RAB3D: variants seen among roughly 807,000 people sequenced by gnomAD.
RAB3D encodes the protein ras-related protein Rab-3D.
RAB3D carries 17 observed loss-of-function variants against 19.3 expected under a neutral mutation model. That is an observed-to-expected ratio of 0.88 (90% CI 0.60 to 1.32). RAB3D has a LOEUF of 1.32. Among genes scored for constraint, RAB3D ranks in the 40% most tolerant of loss-of-function variants. The probability of loss-of-function intolerance (pLI) is 0.00; values close to 1 mark genes in which losing one functional copy is unlikely to be tolerated. For synonymous variants in RAB3D, 103 were observed against 119.9 expected, an observed-to-expected ratio of 0.86 and a Z score of 0.92; for missense variants, 223 against 299.1, an observed-to-expected ratio of 0.75 and a Z score of 1.88.
chr19:11,333,172 C>T lies in RAB3D; in HGVS notation c.472+2275G>A, dbSNP rs568901267. Among the ~76,000 whole-genome samples, 14 of 151,750 alleles carry T rather than the reference C, an allele frequency of 9.2e-5. No individual in the cohort carries two copies. In the South Asian group the frequency reaches 1.3e-3, roughly 14 times the overall value. ...TTGGCTCACTGCAAGTTCCGCCTCC[C>T]GGGTTCACACCATTCTCTTGCCTCA... On this transcript the variant is annotated intron_variant, in intron 4 of 4. Coordinates refer to ENST00000222120, the MANE Select transcript of RAB3D (RefSeq NM_004283.4).
Position 11,325,303 on chromosome 19 carries a change from T to C in RAB3D, c.*95A>G, listed in dbSNP as rs2080805159. The C allele has an allele frequency of 3.9e-6, 3 of 766,632 alleles. No homozygotes were observed. Among genetic ancestry groups the C allele is most frequent in the South Asian group, 1.7e-5 (1 of 57,314 alleles). The allele number at this position is 766,632 out of a possible 1,614,324, so 47.5% of individuals were successfully genotyped here. A position where few individuals can be genotyped will look rare whatever the true frequency, so the allele number is the denominator to read the frequency against. On this transcript the variant is annotated 3_prime_UTR_variant, in exon 5 of 5. Coordinates refer to ENST00000222120, the MANE Select transcript of RAB3D (RefSeq NM_004283.4). Reference sequence around the variant, plus strand: ...GGAGCAGTTGACAGGAGGGAAGGGATTGCCCTGAGCTTGGAGATAACCACT... The same window carrying C: ...GGAGCAGTTGACAGGAGGGAAGGGACTGCCCTGAGCTTGGAGATAACCACT...
intron 2 of RAB3D, 83 bp from the exon 3 acceptor site, chr19:11,335,866 C>G: frequency 7.9e-7 from 1 of 1,273,366 alleles, no homozygotes; most frequent in Non-Finnish European, 1.1e-6. Context: ...GCCCTGTACT[C>G]ATAGCCCCAG....
chr19:11,325,632 G>A, intron 4 of RAB3D, 47 bp from the exon 5 acceptor site: 1 of 1,412,428 alleles, frequency 7.1e-7, no homozygotes, highest in Non-Finnish European at 9.8e-7. Context: ...CCTGAGGGCA[G>A]AGTCTCAGCT....
chr19:11,339,430 AC>A (rs953158646), intron 1 of RAB3D, 38 bp downstream of exon 1: 1 of 151,974 alleles, frequency 6.6e-6, no homozygotes, highest in Non-Finnish European at 1.5e-5. Flanking sequence ...TGTTCCCCAG[AC>A]CCCCTACCTT....
At chr19:11,333,913 C>A (rs904992372) in intron 4 of RAB3D, among the ~76,000 whole-genome samples, 2 of 151,260 alleles carry the variant, frequency 1.3e-5, no homozygotes, top group African/African-American at 4.9e-5. Context: ...CCAGGCTGGT[C>A]TAGAACTCCT....
rs2080797121 is a variant in RAB3D at position 11,324,097 on chromosome 19, C to T, written c.*1301G>A. Reference sequence around the variant, plus strand: ...GGTCCTGCCACTCTCAGGCTGTCTACAAAGTACAAGCAGTGACAGCAAGTT... The same window carrying T: ...GGTCCTGCCACTCTCAGGCTGTCTATAAAGTACAAGCAGTGACAGCAAGTT... On this transcript the variant is annotated 3_prime_UTR_variant, in exon 5 of 5. Transcript: ENST00000222120. 6.6e-6 allele frequency: 1 copy of T among 152,162 alleles called. No individual in the cohort carries two copies. 9.4% of individuals were successfully genotyped at this position (152,162 alleles called of 1,614,324 possible).
chr19:11,330,798 C>T (rs886736182), intron 4 of RAB3D, among the ~76,000 whole-genome samples: 2 of 152,030 alleles, frequency 1.3e-5, no homozygotes, highest in Non-Finnish European at 2.9e-5. Flanking sequence ...GATCCACCCG[C>T]CTCGGCCTCC....
chr19:11,333,596 G>T (rs2080842466), intron 4 of RAB3D, among the ~76,000 whole-genome samples: 1 of 152,096 alleles, frequency 6.6e-6, no homozygotes, highest in African/African-American at 2.4e-5. Context: ...GTCTCTTCCT[G>T]TGCCTTCTGA....
intron 2 of RAB3D, 70 bp downstream of exon 2, chr19:11,337,102 A>AG: frequency 1.5e-6 from 2 of 1,374,086 alleles, no homozygotes; most frequent in Non-Finnish European, 2.0e-6. Context: ...TCAAAAAAAA[A>AG]AAAAGAACCC....
At position 11,325,028 on chromosome 19, in the gene RAB3D, AG is replaced by A. The variant is rs2080803320; in HGVS notation, c.*369del. On this transcript the variant is annotated 3_prime_UTR_variant, in exon 5 of 5. Transcript: ENST00000222120. Reference sequence around the variant, plus strand: ...GAATATCAGTCCTGCCCAACCCAGAAGAGACCTGGAAAATGGTTCTAAGCTA... The same window carrying A: ...GAATATCAGTCCTGCCCAACCCAGAAAGACCTGGAAAATGGTTCTAAGCTA... 2 of 188,642 alleles carry A rather than the reference AG, an allele frequency of 1.1e-5. No homozygotes were observed. Among genetic ancestry groups the A allele is most frequent in the South Asian group, 1.9e-4 (2 of 10,368 alleles). The allele number at this position is 188,642 out of a possible 1,614,324, so 11.7% of individuals were successfully genotyped here.
chr19:11,322,549 A>T lies in RAB3D; in HGVS notation c.*2849T>A, dbSNP rs1453083961. On this transcript the variant is annotated 3_prime_UTR_variant, in exon 5 of 5. Coordinates refer to ENST00000222120, the MANE Select transcript of RAB3D (RefSeq NM_004283.4). ...TTTGGTTTAATGTGTCTGTAAACTC[A>T]ACAAACCTCCGTTTCCCTGAGGTAA... 6.6e-6 allele frequency: 1 copy of T among 152,206 alleles called. No homozygotes were observed. Among genetic ancestry groups the T allele is most frequent in the Non-Finnish European group, 1.5e-5 (1 of 68,042 alleles). The allele number at this position is 152,206 out of a possible 1,614,324, so 9.4% of individuals were successfully genotyped here. A position where few individuals can be genotyped will look rare whatever the true frequency, so the allele number is the denominator to read the frequency against.
At chr19:11,336,852 C>A (rs1966899638) in intron 2 of RAB3D, among the ~76,000 whole-genome samples, 1 of 151,762 alleles carries the variant, frequency 6.6e-6, no homozygotes, top group South Asian at 2.1e-4. Flanking sequence ...CACCTGTAAT[C>A]CCAGCTACTC....
At chr19:11,329,706 C>G (rs1599357689) in intron 4 of RAB3D, among the ~76,000 whole-genome samples, 1 of 152,006 alleles carries the variant, frequency 6.6e-6, no homozygotes. Flanking sequence ...GTGTGAGATA[C>G]AGGCTCACTC....
rs1482080376 is a variant in RAB3D, at chr19:11,335,482, G to T, written c.437C>A (p.Pro146His). 8 of 1,614,204 alleles carry T rather than the reference G, an allele frequency of 5.0e-6. No homozygotes were observed. The highest frequency in any genetic ancestry group is 1.6e-4 in the Middle Eastern group (1 of 6,062). ...KCDLEDERVV[P>H]AEDGRRLADD... ...GGCGAGCCTCCGGCCATCCTCAGCA[G>T]GCACAACACGTTCGTCCTCCAGGTC... Residue 146 changes from proline (P) to histidine (H), a missense_variant, in exon 4 of 5, where the codon CCT becomes CAT. Pro to His is a moderately conservative substitution (Grantham distance 77). Coordinates refer to ENST00000222120, the MANE Select transcript of RAB3D (RefSeq NM_004283.4).
rs767048282 is a variant in RAB3D at position 11,323,640 on chromosome 19, C to T, written c.*1758G>A. 1 of 152,160 alleles carries T rather than the reference C, an allele frequency of 6.6e-6. No homozygotes were observed. Among genetic ancestry groups the T allele is most frequent in the Non-Finnish European group, 1.5e-5 (1 of 68,048 alleles). 9.4% of individuals were successfully genotyped at this position (152,160 alleles called of 1,614,324 possible). A position where few individuals can be genotyped will look rare whatever the true frequency, so the allele number is the denominator to read the frequency against. Reference sequence around the variant, plus strand: ...CCCCACTCCAAAGTTCTAAGGGTAGCCTCTGGTATGAAGAAACCAGGGCTC... The same window carrying T: ...CCCCACTCCAAAGTTCTAAGGGTAGTCTCTGGTATGAAGAAACCAGGGCTC... On this transcript the variant is annotated 3_prime_UTR_variant, in exon 5 of 5. Transcript: ENST00000222120.
rs1013746665 is a variant in RAB3D at position 11,322,256 on chromosome 19, A to G, written c.*3142T>C. On this transcript the variant is annotated 3_prime_UTR_variant, in exon 5 of 5. Transcript: ENST00000222120. ...GAATTATCCCGTTAACACTGAGACC[A>G]CATTTCACCTGTTACTTATTTTTCT... The G allele has an allele frequency of 6.6e-6, 1 of 152,138 alleles. No individual in the cohort carries two copies. The highest frequency in any genetic ancestry group is 1.5e-5 in the Non-Finnish European group (1 of 68,028). The allele number at this position is 152,138 out of a possible 1,614,324, so 9.4% of individuals were successfully genotyped here. A position where few individuals can be genotyped will look rare whatever the true frequency, so the allele number is the denominator to read the frequency against.
Position 11,335,676 on chromosome 19 carries a change from A to G in RAB3D, c.336T>C (p.Ala112=), listed in dbSNP as rs745572246. The G allele has an allele frequency of 6.2e-7, 1 of 1,614,140 alleles. No individual in the cohort carries two copies. Among genetic ancestry groups the G allele is most frequent in the East Asian group, 2.2e-5 (1 of 44,868 alleles). ...CAGCAAGCACTCACCAGTCCTGCAC[A>G]GCGGCAAAGGATTCCTGATTGGCGA... ...YDIANQESFA[A]VQDWATQIKT... Residue 112 remains alanine, a synonymous_variant, in exon 3 of 5, where the codon GCT becomes GCC. Transcript: ENST00000222120.
intron 2 of RAB3D, among the ~76,000 whole-genome samples, 196 bp downstream of exon 2, chr19:11,336,974 GAA>G (rs71164191): frequency 1.6e-4 from 14 of 90,214 alleles, no homozygotes; most frequent in African/African-American, 4.2e-4. Context: ...TGTCTCGAGA[GAA>G]AAAAAAAAAA....
rs2080801518 is a variant in RAB3D at position 11,324,756 on chromosome 19, G to A, written c.*642C>T. On this transcript the variant is annotated 3_prime_UTR_variant, in exon 5 of 5. Coordinates refer to ENST00000222120, the MANE Select transcript of RAB3D (RefSeq NM_004283.4). ...GGCACTTCTGGGGTCCCTGAAGCCG[G>A]GGGGTTGAGGGGATCTGACTCCCTG... 6.5e-6 allele frequency: 1 copy of A among 152,674 alleles called. No individual in the cohort carries two copies. Among genetic ancestry groups the A allele is most frequent in the Non-Finnish European group, 1.5e-5 (1 of 68,112 alleles). The allele number at this position is 152,674 out of a possible 1,614,324, so 9.5% of individuals were successfully genotyped here. A position where few individuals can be genotyped will look rare whatever the true frequency, so the allele number is the denominator to read the frequency against.
Sources: gnomAD v4.1 joint callset for allele counts (sites outside exome capture counted in the v4.1 genomes callset) on GRCh38, gnomAD v4.1.1 for gene constraint, MANE v1.5 for transcripts, NCBI Gene and HGNC (gene_info 2026-07-23, HGNC 2026-07-21) for gene names.